Variants in TNIK observed in about 807,000 individuals in gnomAD.
TNIK encodes the protein TRAF2 and NCK-interacting protein kinase.
In TNIK, 49 loss-of-function variants were observed where a neutral mutation model predicts 191.3. The observed-to-expected ratio is 0.26, with a 90% confidence interval of 0.20 to 0.32. TNIK has a LOEUF of 0.32. Among genes scored for constraint, TNIK ranks in the 10% least tolerant of loss-of-function variants. The pLI, the probability that TNIK is intolerant of heterozygous loss-of-function variation, is 1.00. For synonymous variants in TNIK, 594 were observed against 600.9 expected (o/e 0.99, Z 0.17); for missense variants, 1,155 against 1,702.3 (o/e 0.68, Z 5.66).
intron 1 of TNIK, chr3:171,439,662 C>T (rs1304893783): frequency 6.6e-6 from 1 of 152,204 alleles, no homozygotes. Context: ...ATATAAATTA[C>T]ACTCCAGATC....
At chr3:171,215,603 G>A (rs568652226) in intron 3 of TNIK, among the ~76,000 whole-genome samples, 14 of 152,260 alleles carry the variant, frequency 9.2e-5, no homozygotes, top group African/African-American at 1.4e-4. Context: ...AACCAAAGTC[G>A]TTAATCGGAA....
At chr3:171,131,334 T>G (rs1457867201) in intron 15 of TNIK, among the ~76,000 whole-genome samples, 1 of 29,942 alleles carries the variant, frequency 3.3e-5, no homozygotes, top group Non-Finnish European at 6.8e-5. Context: ...CGAGACTCCG[T>G]CTCAAAAAAA....
intron 2 of TNIK, among the ~76,000 whole-genome samples, chr3:171,313,197 G>A (rs958301748): frequency 6.6e-5 from 10 of 152,066 alleles, no homozygotes; most frequent in African/African-American, 2.4e-4. Context: ...TTTTTAAAGT[G>A]TATCTTTGTT....
At chr3:171,209,064 G>GGGGTGTGTGTGTGTGT (rs141041586) in intron 4 of TNIK, among the ~76,000 whole-genome samples, 2 of 142,016 alleles carry the variant, frequency 1.4e-5, no homozygotes, top group Non-Finnish European at 3.0e-5. Context: ...CTTTGGAAGG[G>GGGGTGTGTGTGTGTGT]GTGTGTGTGT....
intron 4 of TNIK, among the ~76,000 whole-genome samples, chr3:171,209,356 C>T (rs1034567185): frequency 1.3e-5 from 2 of 151,690 alleles, no homozygotes; most frequent in Non-Finnish European, 2.9e-5. Flanking sequence ...CATGTTTTTC[C>T]TATTGATTTA....
intron 28 of TNIK, among the ~76,000 whole-genome samples, chr3:171,073,711 C>T (rs180800467): frequency 1.3e-5 from 2 of 152,246 alleles, no homozygotes; most frequent in East Asian, 3.9e-4. Flanking sequence ...ACACACATTT[C>T]TCAAAAGAGG....
At chr3:171,340,596 C>G (rs1240917781) in intron 2 of TNIK, among the ~76,000 whole-genome samples, 1 of 152,178 alleles carries the variant, frequency 6.6e-6, no homozygotes, top group Admixed American at 6.5e-5. Context: ...ATTATACTTA[C>G]TCGTGGACTT....
chr3:171,313,612 T>G (rs958019272), intron 2 of TNIK, among the ~76,000 whole-genome samples: 1 of 152,174 alleles, frequency 6.6e-6, no homozygotes, highest in Non-Finnish European at 1.5e-5. Context: ...GGTTCACTTA[T>G]GATTTTTTTA....
In TNIK at chr3:171,420,437, C is replaced by G. The variant is rs28584916; in HGVS notation, c.57+39570G>C. Among the ~76,000 whole-genome samples the G allele has an allele frequency of 4.8e-3, 738 of 152,240 alleles. 4 individuals are homozygous for G. The highest frequency in any genetic ancestry group is 0.017 in the African/African-American group (706 of 41,534). Reference sequence around the variant, plus strand: ...AGCACTTCTGAGGCCCAGTTCCAATCCAAAACCAGTGGAAAGAACTCTGGG... The same window carrying G: ...AGCACTTCTGAGGCCCAGTTCCAATGCAAAACCAGTGGAAAGAACTCTGGG... On this transcript the variant is annotated intron_variant, in intron 1 of 32. Transcript: ENST00000436636.
chr3:171,244,060 GTTTT>G (rs34724564), intron 2 of TNIK, among the ~76,000 whole-genome samples: 2 of 135,950 alleles, frequency 1.5e-5, no homozygotes, highest in African/African-American at 5.5e-5. Context: ...GACAGAAATA[GTTTT>G]TTTTTTTTTT....
intron 1 of TNIK, among the ~76,000 whole-genome samples, chr3:171,421,412 T>C (rs1046458211): frequency 3.3e-5 from 5 of 152,166 alleles, no homozygotes; most frequent in African/African-American, 1.2e-4. Flanking sequence ...CCTCTAGAAT[T>C]CACGCCCCTC....
chr3:171,440,828 A>G (rs1726707816), intron 1 of TNIK, among the ~76,000 whole-genome samples: 1 of 152,212 alleles, frequency 6.6e-6, no homozygotes, highest in Non-Finnish European at 1.5e-5. Flanking sequence ...GCATAACAGC[A>G]TAGAGGTGAG....
chr3:171,247,409 C>T (rs1284516918), intron 2 of TNIK, among the ~76,000 whole-genome samples: 1 of 152,190 alleles, frequency 6.6e-6, no homozygotes, highest in East Asian at 1.9e-4. Context: ...AGAAGTCCTC[C>T]AGGAAGATAA....
intron 2 of TNIK, among the ~76,000 whole-genome samples, chr3:171,282,734 C>T (rs1382063285): frequency 6.6e-6 from 1 of 152,210 alleles, no homozygotes; most frequent in Non-Finnish European, 1.5e-5. Context: ...GAACTCATTT[C>T]TGAAGCTCAT....
chr3:171,455,766 G>A (rs10936688), intron 1 of TNIK, among the ~76,000 whole-genome samples: 111,464 of 152,106 alleles, frequency 0.73, 41,783 homozygotes, highest in African/African-American at 0.89. Context: ...AAGTCACAGA[G>A]TGAATAAGAG....
chr3:171,110,575 G>T, intron 19 of TNIK, 139 bp downstream of exon 19: 1 of 1,127,270 alleles, frequency 8.9e-7, no homozygotes, highest in Non-Finnish European at 1.2e-6. Context: ...GACTGGGGTT[G>T]AGAGCAGTTG....
At chr3:171,286,729 A>G (rs1231842923) in intron 2 of TNIK, among the ~76,000 whole-genome samples, 1 of 152,184 alleles carries the variant, frequency 6.6e-6, no homozygotes, top group Non-Finnish European at 1.5e-5. Flanking sequence ...GATATTTAAT[A>G]TTTGTTCTCA....
At chr3:171,227,522 A>G (rs1259785873) in intron 3 of TNIK, among the ~76,000 whole-genome samples, 1 of 152,162 alleles carries the variant, frequency 6.6e-6, no homozygotes. Flanking sequence ...CTGCATTCAT[A>G]TGCAAATATC....
At chr3:171,320,693 A>C (rs1755080543) in intron 2 of TNIK, among the ~76,000 whole-genome samples, 2 of 152,246 alleles carry the variant, frequency 1.3e-5, no homozygotes, top group African/African-American at 2.4e-5. Flanking sequence ...ATGGTCTTCT[A>C]ACAAAATACT....
Sources: gnomAD v4.1 joint callset for allele counts (sites outside exome capture counted in the v4.1 genomes callset) on GRCh38, gnomAD v4.1.1 for gene constraint, MANE v1.5 for transcripts, NCBI Gene and HGNC (gene_info 2026-07-23, HGNC 2026-07-21) for gene names.